Variants in NEMP2 observed in about 807,000 individuals in gnomAD.
NEMP2 encodes the protein UPF0571 transmembrane protein.
In NEMP2, 53 loss-of-function variants were observed where a neutral mutation model predicts 54.2. The ratio of observed to expected loss-of-function variants is 0.98; its 90% confidence interval spans 0.78 to 1.23. The LOEUF (loss-of-function observed/expected upper bound fraction) is 1.23, where lower values mean the gene tolerates loss of function less well. Ranked by LOEUF, NEMP2 falls within the 50% of genes most tolerant of loss-of-function variation. NEMP2 has a pLI of 0.00. For synonymous variants in NEMP2, 197 were observed against 190.3 expected (o/e 1.04, Z -0.29); for missense variants, 455 against 511.3 (o/e 0.89, Z 1.06).
In NEMP2 at chr2:190,506,280, T is replaced by C. The variant is rs1690185156; in HGVS notation, c.*2909A>G. On this transcript the variant is annotated 3_prime_UTR_variant, in exon 9 of 9. Transcript: ENST00000409150. This position sits in a 1 kb window ranked among gnomAD's most constrained non-coding sequence, Gnocchi z 6.3. ...CTGTTGTCACCTAAAAGTACCTCTC[T>C]GTCTTCCTGCAGGTGTCTTCAAACT... 1 of 152,250 alleles carries C rather than the reference T, an allele frequency of 6.6e-6. No homozygotes were observed. The highest frequency in any genetic ancestry group is 1.5e-5 in the Non-Finnish European group (1 of 68,052). The allele number at this position is 152,250 out of a possible 1,614,324, so 9.4% of individuals were successfully genotyped here. A position where few individuals can be genotyped will look rare whatever the true frequency, so the allele number is the denominator to read the frequency against.
chr2:190,622,011 G>A, the NEMP2 span, among the ~76,000 whole-genome samples: 1 of 152,198 alleles, frequency 6.6e-6, no homozygotes, highest in Non-Finnish European at 1.5e-5. Context: ...GGAGGCTGAG[G>A]CAGGAGAATC....
intron 5 of NEMP2, among the ~76,000 whole-genome samples, chr2:190,516,664 G>A (rs1559159283): frequency 1.3e-5 from 2 of 152,182 alleles, no homozygotes; most frequent in East Asian, 3.8e-4. Context: ...GTACACTGAA[G>A]TTGGAGTTAT....
At chr2:190,436,915 A>C in the NEMP2 span, 1 of 1,614,108 alleles carries the variant, frequency 6.2e-7, no homozygotes, top group Non-Finnish European at 8.5e-7. This position sits in a 1 kb window ranked among gnomAD's most constrained non-coding sequence, Gnocchi z 5.3. Flanking sequence ...GGTAGTTGTC[A>C]TAATAGGAGA....
At chr2:190,486,359 C>T in the NEMP2 span, among the ~76,000 whole-genome samples, 18 of 152,314 alleles carry the variant, frequency 1.2e-4, no homozygotes, top group African/African-American at 4.1e-4. Flanking sequence ...CTGCTGAATA[C>T]GTTAGGGGAG....
chr2:190,516,247 A>G (rs1386077135), intron 6 of NEMP2, 23 bp downstream of exon 6: 5 of 1,491,360 alleles, frequency 3.4e-6, no homozygotes, highest in African/African-American at 2.8e-5. Context: ...ATCACAGAGC[A>G]TATTGTTTTT....
At chr2:190,421,628 G>A in the NEMP2 span, among the ~76,000 whole-genome samples, 3 of 151,980 alleles carry the variant, frequency 2.0e-5, no homozygotes, top group Non-Finnish European at 4.4e-5. Context: ...TGTCACCCAG[G>A]CTGAGTGCAG....
At chr2:190,497,561 A>G in the NEMP2 span, 1 of 1,614,098 alleles carries the variant, frequency 6.2e-7, no homozygotes, top group East Asian at 2.2e-5. The surrounding 1 kb of genome is among the most constrained non-coding windows in gnomAD (Gnocchi z 5.2). Context: ...ACTTCCACCC[A>G]AGAAAACTAA....
the NEMP2 span, among the ~76,000 whole-genome samples, chr2:190,421,999 C>T: frequency 6.6e-6 from 1 of 152,150 alleles, no homozygotes; most frequent in East Asian, 1.9e-4. Context: ...TCTCTGACTT[C>T]CCAATGTAGC....
the NEMP2 span, among the ~76,000 whole-genome samples, chr2:190,460,179 TAAAC>T: frequency 1.6e-4 from 25 of 152,348 alleles, no homozygotes; most frequent in African/African-American, 5.3e-4. Context: ...ATGCTCCAAA[TAAAC>T]AAACTGTAAT....
At chr2:190,623,785 C>T in the NEMP2 span, among the ~76,000 whole-genome samples, 1 of 152,054 alleles carries the variant, frequency 6.6e-6, no homozygotes, top group African/African-American at 2.4e-5. Flanking sequence ...CTCAAAAGCA[C>T]AGGCAGCCAA....
chr2:190,521,011 A>G lies in NEMP2; in HGVS notation c.214-1828T>C, dbSNP rs1690734150. ...TTGTCATGCTCACTTGCAAAATCCA[A>G]CTCTCCAGCATTCTACTCCTGCATT... On this transcript the variant is annotated intron_variant, in intron 2 of 8. Transcript: ENST00000409150. This position sits in a 1 kb window ranked among gnomAD's most constrained non-coding sequence, Gnocchi z 6.2. Among the ~76,000 whole-genome samples, 1 of 151,648 alleles carries G rather than the reference A, an allele frequency of 6.6e-6. No homozygotes were observed.
the NEMP2 span, among the ~76,000 whole-genome samples, chr2:190,454,706 C>T: frequency 6.6e-6 from 1 of 152,060 alleles, no homozygotes; most frequent in East Asian, 1.9e-4. This position sits in a 1 kb window ranked among gnomAD's most constrained non-coding sequence, Gnocchi z 4.6. Flanking sequence ...GCTTAACCCA[C>T]CAGTTTATGG....
chr2:190,611,724 C>CT, the NEMP2 span, among the ~76,000 whole-genome samples: 2 of 152,186 alleles, frequency 1.3e-5, no homozygotes, highest in Non-Finnish European at 2.9e-5. This position sits in a 1 kb window ranked among gnomAD's most constrained non-coding sequence, Gnocchi z 5.4. Context: ...TCCTTATAAT[C>CT]TTTTTACTAG....
At chr2:190,633,356 C>T in the NEMP2 span, among the ~76,000 whole-genome samples, 1 of 150,304 alleles carries the variant, frequency 6.7e-6, no homozygotes, top group South Asian at 2.1e-4. Context: ...TCTTGTTGCC[C>T]AGGTTGGAGT....
the NEMP2 span, among the ~76,000 whole-genome samples, chr2:190,496,826 C>T: frequency 6.6e-6 from 1 of 152,146 alleles, no homozygotes; most frequent in African/African-American, 2.4e-5. This position sits in a 1 kb window ranked among gnomAD's most constrained non-coding sequence, Gnocchi z 4.7. Flanking sequence ...AACCAAACAT[C>T]GTATATTCTC....
rs557017556 is a variant in NEMP2, at chr2:190,534,140, G to C, written c.97+419C>G. On this transcript the variant is annotated intron_variant, in intron 1 of 8. Transcript: ENST00000409150. ...TAGTCTTGAGACCAAAGGAATGCGA[G>C]ATAGTGAAATAACAAGGATTTCAAC... The C allele has an allele frequency of 2.2e-4, 218 of 995,688 alleles. 3 individuals carry two copies. The African/African-American group carries it at 3.6e-3, about 16-fold the overall frequency. 61.7% of individuals were successfully genotyped at this position (995,688 alleles called of 1,614,324 possible). A position where few individuals can be genotyped will look rare whatever the true frequency, so the allele number is the denominator to read the frequency against.
the NEMP2 span, among the ~76,000 whole-genome samples, chr2:190,552,444 C>T: frequency 6.6e-6 from 1 of 152,132 alleles, no homozygotes; most frequent in East Asian, 1.9e-4. Flanking sequence ...AAAATATTCT[C>T]TTCTTTGGCT....
the NEMP2 span, among the ~76,000 whole-genome samples, chr2:190,614,823 G>A: frequency 6.6e-6 from 1 of 152,112 alleles, no homozygotes; most frequent in Non-Finnish European, 1.5e-5. This position sits in a 1 kb window ranked among gnomAD's most constrained non-coding sequence, Gnocchi z 5.7. Flanking sequence ...GGCTTAACAA[G>A]GCCAGATAGG....
At chr2:190,562,978 T>A in the NEMP2 span, among the ~76,000 whole-genome samples, 23,737 of 152,204 alleles carry the variant, frequency 0.16, 1,963 homozygotes, top group East Asian at 0.29. The surrounding 1 kb of genome is among the most constrained non-coding windows in gnomAD (Gnocchi z 5.0). Flanking sequence ...TGGCAGGTTC[T>A]CCTCCAGTGA....
Sources: gnomAD v4.1 joint callset for allele counts (sites outside exome capture counted in the v4.1 genomes callset) on GRCh38, gnomAD v4.1.1 for gene constraint, Gnocchi (gnomAD v3.1) non-coding constraint, MANE v1.5 for transcripts, NCBI Gene and HGNC (gene_info 2026-07-23, HGNC 2026-07-21) for gene names.